The following CYP4X1 variants were observed in gnomAD, a reference collection of about 807,000 sequenced individuals.
The protein encoded by CYP4X1 is cytochrome P450 4X1.
CYP4X1 carries 44 observed loss-of-function variants against 57.9 expected under a neutral mutation model. The observed-to-expected ratio is 0.76, with a 90% confidence interval of 0.60 to 0.98. CYP4X1 has a LOEUF of 0.98. CYP4X1 is among the 50% of genes least tolerant of loss of function. The pLI is 0.00. For synonymous variants in CYP4X1, 227 were observed against 228.6 expected, an observed-to-expected ratio of 0.99 and a Z score of 0.06; for missense variants, 532 against 623.9, an observed-to-expected ratio of 0.85 and a Z score of 1.57.
At chr1:47,010,660 C>A in the CYP4X1 span, among the ~76,000 whole-genome samples, 2 of 152,270 alleles carry the variant, frequency 1.3e-5, no homozygotes, top group African/African-American at 2.4e-5. Flanking sequence ...ATCTAGAAAA[C>A]CCCATCGTCT....
Position 47,035,943 on chromosome 1 carries a change from G to C in CYP4X1, c.620+10G>C, listed in dbSNP as rs549214647. On this transcript the variant is annotated intron_variant, in intron 5 of 11. Coordinates refer to ENST00000371901, the MANE Select transcript of CYP4X1 (RefSeq NM_178033.2). ...ACTGCCAGACAAACAGGTCAGTGGT[G>C]GGAGAGCAAAAAAGATATTTCTTCA... The C allele has an allele frequency of 1.2e-6, 2 of 1,612,028 alleles. No individual in the cohort carries two copies. The highest frequency in any genetic ancestry group is 1.7e-6 in the Non-Finnish European group (2 of 1,179,096).
At chr1:47,048,523 G>T in intron 9 of CYP4X1, 42 bp from the exon 10 acceptor site, 1 of 1,605,714 alleles carries the variant, frequency 6.2e-7, no homozygotes. Flanking sequence ...CCCACAACTT[G>T]CTCTTTCTCC....
intron 1 of CYP4X1, among the ~76,000 whole-genome samples, chr1:47,029,484 G>A (rs116419543): frequency 7.9e-5 from 12 of 152,266 alleles, no homozygotes; most frequent in African/African-American, 2.9e-4. Flanking sequence ...GATAGAGTTG[G>A]CAATTTTTTA....
At chr1:47,007,529 T>C in the CYP4X1 span, among the ~76,000 whole-genome samples, 2 of 152,128 alleles carry the variant, frequency 1.3e-5, no homozygotes, top group Non-Finnish European at 2.9e-5. Context: ...CCTCTCCTCT[T>C]CCAAAGGAAC....
intron 1 of CYP4X1, among the ~76,000 whole-genome samples, chr1:47,024,330 A>T (rs996595689): frequency 6.6e-6 from 1 of 152,236 alleles, no homozygotes; most frequent in African/African-American, 2.4e-5. Flanking sequence ...TTGCTTTAAA[A>T]ATAGCATGTT....
chr1:46,975,535 C>G, the CYP4X1 span, among the ~76,000 whole-genome samples: 1 of 151,988 alleles, frequency 6.6e-6, no homozygotes, highest in Non-Finnish European at 1.5e-5. Context: ...AATGTCTACT[C>G]TTAGCCTGAT....
the CYP4X1 span, among the ~76,000 whole-genome samples, chr1:46,991,563 C>T: frequency 6.6e-6 from 1 of 152,200 alleles, no homozygotes; most frequent in Non-Finnish European, 1.5e-5. Context: ...GCTGTATACA[C>T]TTAGTGGCCA....
chr1:47,027,024 T>A (rs954181175), intron 1 of CYP4X1, among the ~76,000 whole-genome samples: 25 of 152,292 alleles, frequency 1.6e-4, no homozygotes, highest in Non-Finnish European at 3.4e-4. Context: ...TTTCTTTAAT[T>A]TTTTTTAACG....
intron 9 of CYP4X1, 82 bp from the exon 10 acceptor site, chr1:47,048,483 G>A (rs2148516886): frequency 2.0e-6 from 3 of 1,466,470 alleles, no homozygotes; most frequent in Non-Finnish European, 2.9e-6. Flanking sequence ...TTCCCTTCAA[G>A]AACAAAAGTC....
At chr1:46,970,023 A>G in the CYP4X1 span, among the ~76,000 whole-genome samples, 1 of 152,234 alleles carries the variant, frequency 6.6e-6, no homozygotes, top group Non-Finnish European at 1.5e-5. Flanking sequence ...TCCAAAAGTA[A>G]GACTAGCAAG....
At chr1:47,008,082 G>C in the CYP4X1 span, among the ~76,000 whole-genome samples, 2 of 152,086 alleles carry the variant, frequency 1.3e-5, no homozygotes, top group South Asian at 2.1e-4. Flanking sequence ...ATGCCACAAA[G>C]ATACTCCTCG....
At chr1:47,039,702 T>A in intron 8 of CYP4X1, 170 bp downstream of exon 8, 1 of 415,580 alleles carries the variant, frequency 2.4e-6, no homozygotes, top group Non-Finnish European at 4.0e-6. Context: ...TATTCTCTTG[T>A]CTTTCAGGAA....
At chr1:47,020,044 G>T (rs575226806), upstream of CYP4X1, among the ~76,000 whole-genome samples, 1 of 152,206 alleles carries the variant, frequency 6.6e-6, no homozygotes, top group East Asian at 1.9e-4. Context: ...TCTTAACTGG[G>T]CCTACCAAGC....
the CYP4X1 span, chr1:46,961,610 T>G: frequency 1.6e-6 from 2 of 1,285,760 alleles, no homozygotes; most frequent in Admixed American, 4.6e-5. Context: ...CCTGGACCTG[T>G]GTCCTATGCC....
At chr1:46,998,530 T>C in the CYP4X1 span, among the ~76,000 whole-genome samples, 7 of 152,318 alleles carry the variant, frequency 4.6e-5, no homozygotes, top group East Asian at 1.3e-3. Context: ...TCCTGTAGGT[T>C]GTCTGTTTAC....
At chr1:46,982,305 C>T in the CYP4X1 span, among the ~76,000 whole-genome samples, 9 of 152,154 alleles carry the variant, frequency 5.9e-5, no homozygotes, top group Non-Finnish European at 1.2e-4. Flanking sequence ...TCCTGAATCT[C>T]GATATTTGAT....
the CYP4X1 span, among the ~76,000 whole-genome samples, chr1:46,986,104 A>C: frequency 6.6e-6 from 1 of 152,238 alleles, no homozygotes; most frequent in Admixed American, 6.5e-5. Flanking sequence ...AACCCAATGC[A>C]AGAAAGTCAA....
At chr1:46,998,006 G>A in the CYP4X1 span, among the ~76,000 whole-genome samples, 1 of 151,782 alleles carries the variant, frequency 6.6e-6, no homozygotes. Context: ...CTTTTGAGAA[G>A]GGTCTGTTCA....
chr1:47,039,235 C>T, intron 7 of CYP4X1, 107 bp from the exon 8 acceptor site: 3 of 985,366 alleles, frequency 3.0e-6, no homozygotes, highest in South Asian at 1.9e-5. Flanking sequence ...AAAATTTAAA[C>T]CCCTATTTAA....
Sources: gnomAD v4.1 joint callset for allele counts (sites outside exome capture counted in the v4.1 genomes callset) on GRCh38, gnomAD v4.1.1 for gene constraint, MANE v1.5 for transcripts, NCBI Gene and HGNC (gene_info 2026-07-23, HGNC 2026-07-21) for gene names.